Variants in C10orf90 observed in about 807,000 individuals in gnomAD.
The protein encoded by C10orf90 is (E2-independent) E3 ubiquitin-conjugating enzyme FATS.
In C10orf90, 56 loss-of-function variants were observed where a neutral mutation model predicts 62.5. The observed-to-expected ratio is 0.90, with a 90% CI of 0.72 to 1.12. C10orf90 has a LOEUF of 1.12. C10orf90 is among the 50% of genes most tolerant of loss of function. The pLI, the probability that C10orf90 is intolerant of heterozygous loss-of-function variation, is 0.00. For missense variants in C10orf90, 970 were observed against 880.4 expected (o/e 1.10, Z -1.29); for synonymous variants, 386 against 340.4 (o/e 1.13, Z -1.47).
intron 2 of C10orf90, among the ~76,000 whole-genome samples, chr10:126,567,394 G>A (rs1331408961): frequency 6.6e-6 from 1 of 152,046 alleles, no homozygotes; most frequent in Admixed American, 6.6e-5. Flanking sequence ...AACAGCAAAG[G>A]GGAAATCCAC....
chr10:126,560,198 C>T (rs933912805), intron 2 of C10orf90, among the ~76,000 whole-genome samples: 1 of 152,146 alleles, frequency 6.6e-6, no homozygotes, highest in Non-Finnish European at 1.5e-5. Flanking sequence ...AGGAAATAAT[C>T]CCCGCAACCT....
At chr10:126,583,523 A>T (rs1334495990) in intron 2 of C10orf90, among the ~76,000 whole-genome samples, 3 of 152,352 alleles carry the variant, frequency 2.0e-5, no homozygotes, top group Admixed American at 1.3e-4. Context: ...ATGAGATTGA[A>T]CACTATCAAT....
chr10:126,666,086 G>T (rs1846621523), intron 1 of C10orf90, among the ~76,000 whole-genome samples: 1 of 152,134 alleles, frequency 6.6e-6, no homozygotes, highest in African/African-American at 2.4e-5. Flanking sequence ...GCCCACATCA[G>T]GGTTTCTAGG....
chr10:126,500,919 G>T (rs533561509), intron 4 of C10orf90, among the ~76,000 whole-genome samples: 5 of 152,116 alleles, frequency 3.3e-5, no homozygotes, highest in Non-Finnish European at 7.4e-5. Context: ...TTGTAGAATT[G>T]CCCAGGCTGT....
intron 4 of C10orf90, among the ~76,000 whole-genome samples, chr10:126,503,127 C>G (rs1382128175): frequency 5.3e-5 from 8 of 152,148 alleles, no homozygotes; most frequent in Non-Finnish European, 1.5e-5. Flanking sequence ...TAAACCAGAG[C>G]CTCTTGCAGA....
At chr10:126,643,747 A>G (rs1029159857) in intron 2 of C10orf90, among the ~76,000 whole-genome samples, 1 of 152,144 alleles carries the variant, frequency 6.6e-6, no homozygotes, top group South Asian at 2.1e-4. Context: ...TGGTCTCCAA[A>G]CCCAGAGTTT....
chr10:126,666,423 G>A (rs1846627697), intron 1 of C10orf90, among the ~76,000 whole-genome samples: 1 of 152,126 alleles, frequency 6.6e-6, no homozygotes, highest in Admixed American at 6.5e-5. Context: ...GTGCAAAGAA[G>A]CATGACCCAT....
At chr10:126,450,222 T>C (rs1242912138) in intron 7 of C10orf90, among the ~76,000 whole-genome samples, 4 of 152,174 alleles carry the variant, frequency 2.6e-5, no homozygotes, top group African/African-American at 9.6e-5. Context: ...AGTAAAAAGA[T>C]ATTCCATGCT....
At position 126,568,296 on chromosome 10, in the gene C10orf90, G is replaced by A. The variant is rs189667528; in HGVS notation, c.314-54357C>T. ...GGGCTGGTTCTCATCTGAAGCTTGG[G>A]ATCCTCCTCCCAGCATTTTCTGTTG... On this transcript the variant is annotated intron_variant, in intron 2 of 9. Coordinates refer to ENST00000488181, the MANE Select transcript of C10orf90 (RefSeq NM_001350921.2). Among the ~76,000 whole-genome samples the A allele has an allele frequency of 6.7e-4, 102 of 152,326 alleles. 2 individuals carry two copies. In the South Asian group the frequency reaches 9.1e-3, roughly 14 times the overall value.
chr10:126,580,545 C>A (rs946722254), intron 2 of C10orf90, among the ~76,000 whole-genome samples: 25 of 150,898 alleles, frequency 1.7e-4, no homozygotes, highest in African/African-American at 4.9e-4. Context: ...CCCAGCTACT[C>A]GGGAGGCTGA....
intron 1 of C10orf90, among the ~76,000 whole-genome samples, chr10:126,653,074 C>T (rs75077081): frequency 0.011 from 1,611 of 152,254 alleles, 29 homozygotes; most frequent in African/African-American, 0.037. Context: ...AACAAAAATG[C>T]TAATCATTTG....
chr10:126,473,137 G>A (rs1437825673), intron 4 of C10orf90, among the ~76,000 whole-genome samples: 1 of 152,060 alleles, frequency 6.6e-6, no homozygotes, highest in Non-Finnish European at 1.5e-5. Context: ...CTCCACACCA[G>A]CCCCACATTC....
chr10:126,536,933 G>A (rs902753434), intron 2 of C10orf90, among the ~76,000 whole-genome samples: 5 of 152,178 alleles, frequency 3.3e-5, no homozygotes, highest in Non-Finnish European at 5.9e-5. Context: ...GAACACCTGA[G>A]ATTAAACAAA....
chr10:126,500,912 T>C (rs1019805053), intron 4 of C10orf90, among the ~76,000 whole-genome samples: 1 of 152,182 alleles, frequency 6.6e-6, no homozygotes, highest in Non-Finnish European at 1.5e-5. Context: ...CCTCTGTTTG[T>C]AGAATTGCCC....
chr10:126,616,845 C>G (rs1283058684), intron 2 of C10orf90, among the ~76,000 whole-genome samples: 1 of 152,168 alleles, frequency 6.6e-6, no homozygotes, highest in Non-Finnish European at 1.5e-5. Context: ...AACAGTAAGT[C>G]TTCCCTCTGG....
chr10:126,542,179 A>AAT (rs1864390038), intron 2 of C10orf90, among the ~76,000 whole-genome samples: 1 of 152,110 alleles, frequency 6.6e-6, no homozygotes, highest in African/African-American at 2.4e-5. Context: ...GGGACTGGGG[A>AAT]ATAGGAAATG....
chr10:126,615,101 G>A (rs1845514372), intron 2 of C10orf90, among the ~76,000 whole-genome samples: 1 of 152,202 alleles, frequency 6.6e-6, no homozygotes, highest in Admixed American at 6.5e-5. Context: ...CTCCACGGAG[G>A]CTGGGCTGAG....
chr10:126,608,155 CT>C (rs1286719048), intron 2 of C10orf90, among the ~76,000 whole-genome samples: 2 of 152,196 alleles, frequency 1.3e-5, no homozygotes, highest in Non-Finnish European at 1.5e-5. Flanking sequence ...GTTGCCCAAG[CT>C]GGAGTGCAGT....
Position 126,459,035 on chromosome 10 carries a change from C to T in C10orf90, c.2188+5G>A. 1 of 1,609,722 alleles carries T rather than the reference C, an allele frequency of 6.2e-7. No homozygotes were observed. The highest frequency in any genetic ancestry group is 1.3e-5 in the African/African-American group (1 of 74,894). Reference sequence around the variant, plus strand: ...TCCAGTCTCCACAAGCCACCTGCAGCTTACCACTCAGAGGATGGGGAATCG... The same window carrying T: ...TCCAGTCTCCACAAGCCACCTGCAGTTTACCACTCAGAGGATGGGGAATCG... On this transcript the variant is annotated splice_donor_5th_base_variant and intron_variant, in intron 7 of 9. Transcript: ENST00000488181.
Sources: gnomAD v4.1 joint callset for allele counts (sites outside exome capture counted in the v4.1 genomes callset) on GRCh38, gnomAD v4.1.1 for gene constraint, MANE v1.5 for transcripts, NCBI Gene and HGNC (gene_info 2026-07-23, HGNC 2026-07-21) for gene names.